The following CHKA variants were observed in gnomAD, a reference collection of about 807,000 sequenced individuals.
CHKA encodes choline kinase alpha, also known as CHETK-alpha.
Under a neutral mutation model 60.1 loss-of-function variants are expected in CHKA, and 34 were observed. The ratio of observed to expected loss-of-function variants is 0.57; its 90% CI spans 0.43 to 0.75. CHKA has a LOEUF of 0.75. Among genes scored for constraint, CHKA ranks in the 30% least tolerant of loss-of-function variants. The pLI, the probability that CHKA is intolerant of heterozygous loss-of-function variation, is 0.00. For synonymous variants in CHKA, 217 were observed against 223.1 expected (o/e 0.97, Z 0.24); for missense variants, 563 against 561.3 (o/e 1.00, Z -0.03).
At chr11:68,096,597 T>C (rs536760457) in intron 2 of CHKA, among the ~76,000 whole-genome samples, 167 of 152,294 alleles carry the variant, frequency 1.1e-3, no homozygotes, top group Non-Finnish European at 1.9e-3. Flanking sequence ...TTCAGCTTCG[T>C]TGAGATCATA....
chr11:68,112,468 C>G (rs1858193694), intron 1 of CHKA, among the ~76,000 whole-genome samples: 1 of 152,118 alleles, frequency 6.6e-6, no homozygotes, highest in African/African-American at 2.4e-5. Context: ...CCATGTTGGC[C>G]AGGCTGGTCT....
chr11:68,089,151 C>G (rs1029606154), intron 2 of CHKA, among the ~76,000 whole-genome samples: 1 of 152,170 alleles, frequency 6.6e-6, no homozygotes, highest in South Asian at 2.1e-4. Context: ...AGCAGAAAGA[C>G]AGGTGAGTGG....
intron 1 of CHKA, among the ~76,000 whole-genome samples, chr11:68,101,611 T>C (rs1432743732): frequency 2.0e-5 from 3 of 148,254 alleles, no homozygotes; most frequent in Non-Finnish European, 4.5e-5. Flanking sequence ...GCAAATTATC[T>C]GGAATGGAAA....
At chr11:68,082,818 G>C (rs578125460) in intron 2 of CHKA, among the ~76,000 whole-genome samples, 27 of 152,322 alleles carry the variant, frequency 1.8e-4, no homozygotes, top group African/African-American at 6.5e-4. Flanking sequence ...ACAAAGTACA[G>C]AAAGTACAAA....
chr11:68,089,488 G>A (rs1327103835), intron 2 of CHKA, among the ~76,000 whole-genome samples: 1 of 152,198 alleles, frequency 6.6e-6, no homozygotes, highest in Non-Finnish European at 1.5e-5. Flanking sequence ...AATGCTGGAA[G>A]TGATATGAAG....
At chr11:68,065,565 G>A (rs190493814) in intron 9 of CHKA, among the ~76,000 whole-genome samples, 1 of 152,192 alleles carries the variant, frequency 6.6e-6, no homozygotes, top group Non-Finnish European at 1.5e-5. Flanking sequence ...GCTGGGCGTG[G>A]TGGCATGCGT....
At chr11:68,103,839 G>A (rs1005547927) in intron 1 of CHKA, among the ~76,000 whole-genome samples, 7 of 150,640 alleles carry the variant, frequency 4.6e-5, no homozygotes, top group African/African-American at 9.8e-5. Flanking sequence ...ACTTGAACCC[G>A]GGAGGCAGTG....
chr11:68,066,604 C>T, intron 7 of CHKA, 88 bp from the exon 8 acceptor site: 2 of 1,017,880 alleles, frequency 2.0e-6, no homozygotes, highest in Non-Finnish European at 3.1e-6. Flanking sequence ...GGATTTGATC[C>T]CTTAGGGAAT....
In CHKA at chr11:68,053,013, T is replaced by C. The variant is rs1855850837; in HGVS notation, c.*975A>G. ...ATATATATGGATTTCACAGCTACAC[T>C]CGATCCACGCCCCACACCACATACA... is the stretch of plus-strand genomic sequence containing the variant. On this transcript the variant is annotated 3_prime_UTR_variant, in exon 12 of 12. Transcript: ENST00000265689. 6.6e-6 allele frequency: 1 copy of C among 152,484 alleles called. No homozygotes were observed. Among genetic ancestry groups the C allele is most frequent in the Non-Finnish European group, 1.5e-5 (1 of 68,004 alleles). 9.4% of individuals were successfully genotyped at this position (152,484 alleles called of 1,614,324 possible).
intron 2 of CHKA, among the ~76,000 whole-genome samples, chr11:68,095,739 A>AAAAAG (rs1857491436): frequency 7.3e-6 from 1 of 137,146 alleles, no homozygotes; most frequent in African/African-American, 2.7e-5. Context: ...AAAAAACAAC[A>AAAAAG]GGTATCAAAA....
At chr11:68,056,392 G>A (rs540206924) in intron 11 of CHKA, among the ~76,000 whole-genome samples, 63 of 152,248 alleles carry the variant, frequency 4.1e-4, no homozygotes, top group Non-Finnish European at 8.1e-4. Flanking sequence ...ATTCCAGAGG[G>A]GGTCCTGCAC....
At position 68,066,759 on chromosome 11, in the gene CHKA, C is replaced by T. The variant is rs370182746; in HGVS notation, c.929-243G>A. Among the ~76,000 whole-genome samples, 4 of 152,346 alleles carry T rather than the reference C, an allele frequency of 2.6e-5. No homozygotes were observed. In the East Asian group the frequency reaches 5.8e-4, roughly 22 times the overall value. On this transcript the variant is annotated intron_variant, in intron 7 of 11. Transcript: ENST00000265689. ...CCCTGCTCACAGCCCTAGTCCTCGCCAGACCCCCAGGATCACTGTGGAACA... is the reference window on the plus strand; with the variant it reads ...CCCTGCTCACAGCCCTAGTCCTCGCTAGACCCCCAGGATCACTGTGGAACA...
In CHKA at chr11:68,117,609, C is replaced by A. The variant is rs542296337; in HGVS notation, c.350+3219G>T. Among the ~76,000 whole-genome samples, 13 of 152,070 alleles carry A rather than the reference C, an allele frequency of 8.5e-5. No individual in the cohort carries two copies. In the East Asian group the frequency reaches 2.1e-3, roughly 25 times the overall value. On this transcript the variant is annotated intron_variant, in intron 1 of 11. Coordinates refer to ENST00000265689, the MANE Select transcript of CHKA (RefSeq NM_001277.3). ...GGCTGAGGCACAAGAATCGCTCGAA[C>A]CCAGGAGGCAGAAGTTGCAGCTAGC... is the stretch of plus-strand genomic sequence containing the variant.
intron 1 of CHKA, among the ~76,000 whole-genome samples, chr11:68,112,810 C>T (rs1416616316): frequency 3.3e-5 from 5 of 152,022 alleles, no homozygotes; most frequent in South Asian, 2.1e-4. Context: ...GTGCCTGGCA[C>T]GGTGGTTCAT....
intron 4 of CHKA, among the ~76,000 whole-genome samples, chr11:68,074,296 A>T (rs576100040): frequency 6.6e-6 from 1 of 152,278 alleles, no homozygotes; most frequent in African/African-American, 2.4e-5. Flanking sequence ...CTCAGTAGGA[A>T]TGCACAAAAC....
intron 11 of CHKA, among the ~76,000 whole-genome samples, chr11:68,060,627 A>T (rs114478300): frequency 5.1e-4 from 77 of 152,356 alleles, no homozygotes; most frequent in African/African-American, 1.8e-3. Context: ...ACCAACTTTA[A>T]TCGTGAATCT....
At chr11:68,061,415 T>C in intron 11 of CHKA, 1 of 216,124 alleles carries the variant, frequency 4.6e-6, no homozygotes, top group Non-Finnish European at 9.7e-6. Context: ...TGACAATTCT[T>C]AAGGTTAAAA....
intron 11 of CHKA, among the ~76,000 whole-genome samples, chr11:68,054,452 A>C (rs986710855): frequency 6.6e-6 from 1 of 152,186 alleles, no homozygotes; most frequent in African/African-American, 2.4e-5. Context: ...CTAGAACAGA[A>C]GGGGAGAAGA....
At chr11:68,120,037 T>C (rs1021940372) in intron 1 of CHKA, among the ~76,000 whole-genome samples, 1 of 152,070 alleles carries the variant, frequency 6.6e-6, no homozygotes, top group African/African-American at 2.4e-5. Context: ...AAGATCAGCC[T>C]AACGAACATG....
Sources: gnomAD v4.1 joint callset for allele counts (sites outside exome capture counted in the v4.1 genomes callset) on GRCh38, gnomAD v4.1.1 for gene constraint, MANE v1.5 for transcripts, NCBI Gene and HGNC (gene_info 2026-07-23, HGNC 2026-07-21) for gene names.